The following SHISA6 variants were observed in gnomAD, a reference collection of about 807,000 sequenced individuals.
The protein encoded by SHISA6 is protein shisa-6.
SHISA6 carries 22 observed loss-of-function variants against 47.9 expected under a neutral mutation model. That is an observed-to-expected ratio of 0.46 (90% CI 0.33 to 0.66). SHISA6 has a LOEUF of 0.66. Ranked by LOEUF, SHISA6 falls within the 30% of genes least tolerant of loss-of-function variation. SHISA6 has a pLI of 0.02. For synonymous variants in SHISA6, 388 were observed against 337.8 expected, an observed-to-expected ratio of 1.15 and a Z score of -1.63; for missense variants, 680 against 764.6, an observed-to-expected ratio of 0.89 and a Z score of 1.30.
chr17:11,365,385 C>G (rs1033528863), intron 2 of SHISA6, among the ~76,000 whole-genome samples: 1 of 152,102 alleles, frequency 6.6e-6, no homozygotes, highest in African/African-American at 2.4e-5. Context: ...TCAAGCGATT[C>G]TCTTGCCTCA....
intron 3 of SHISA6, among the ~76,000 whole-genome samples, chr17:11,386,882 G>A (rs1220398418): frequency 6.6e-6 from 1 of 152,190 alleles, no homozygotes; most frequent in African/African-American, 2.4e-5. Context: ...GCCCAGGACT[G>A]TCCAGTTTTA....
intron 3 of SHISA6, among the ~76,000 whole-genome samples, chr17:11,501,652 G>T (rs1322551829): frequency 6.6e-6 from 1 of 152,102 alleles, no homozygotes; most frequent in Non-Finnish European, 1.5e-5. Flanking sequence ...TGAGAATTCA[G>T]ATGGCCACAA....
intron 2 of SHISA6, among the ~76,000 whole-genome samples, chr17:11,367,871 T>A (rs192584231): frequency 1.2e-4 from 19 of 152,256 alleles, no homozygotes; most frequent in African/African-American, 4.6e-4. Context: ...TCAAATTTTC[T>A]CCCTCTCCAA....
At chr17:11,515,349 G>GA (rs1376296816) in intron 3 of SHISA6, among the ~76,000 whole-genome samples, 1 of 144,154 alleles carries the variant, frequency 6.9e-6, no homozygotes, top group Admixed American at 6.9e-5. Flanking sequence ...AGGAAGGAAG[G>GA]AAGGAAGGAA....
intron 3 of SHISA6, among the ~76,000 whole-genome samples, chr17:11,382,020 G>C (rs943299143): frequency 2.6e-5 from 4 of 152,152 alleles, no homozygotes; most frequent in African/African-American, 9.7e-5. Flanking sequence ...TTTGAGGTTG[G>C]TGGTTGGGGG....
intron 2 of SHISA6, chr17:11,289,730 C>T (rs950226712): frequency 3.3e-5 from 5 of 151,916 alleles, no homozygotes; most frequent in Admixed American, 1.3e-4. Context: ...AGTTTATTGG[C>T]ATAGAGCTGC....
chr17:11,340,797 A>T (rs1355654859), intron 2 of SHISA6, among the ~76,000 whole-genome samples: 1 of 152,202 alleles, frequency 6.6e-6, no homozygotes, highest in Non-Finnish European at 1.5e-5. Flanking sequence ...GAAGCACTGA[A>T]CTAGAATAGT....
chr17:11,272,261 T>A (rs1437894940), intron 2 of SHISA6, among the ~76,000 whole-genome samples: 1 of 152,168 alleles, frequency 6.6e-6, no homozygotes, highest in Admixed American at 6.5e-5. Context: ...CCAGCCATGC[T>A]CTGCTCTTTG....
chr17:11,536,219 T>C (rs1053115816), intron 3 of SHISA6, among the ~76,000 whole-genome samples: 5 of 152,142 alleles, frequency 3.3e-5, no homozygotes, highest in African/African-American at 9.7e-5. Flanking sequence ...AAGGGAGCTA[T>C]GATAGTATGT....
At chr17:11,534,269 G>C (rs574715585) in intron 3 of SHISA6, among the ~76,000 whole-genome samples, 17 of 149,920 alleles carry the variant, frequency 1.1e-4, no homozygotes, top group African/African-American at 4.2e-4. Context: ...GCCTCCCAAA[G>C]TGCTAGAATT....
At chr17:11,475,798 C>T (rs557325042) in intron 3 of SHISA6, among the ~76,000 whole-genome samples, 4 of 152,034 alleles carry the variant, frequency 2.6e-5, no homozygotes, top group African/African-American at 7.2e-5. Context: ...GTAATACTGG[C>T]CTCACAGAAT....
intron 2 of SHISA6, among the ~76,000 whole-genome samples, chr17:11,324,814 T>C (rs1170017632): frequency 6.6e-6 from 1 of 152,150 alleles, no homozygotes; most frequent in Non-Finnish European, 1.5e-5. Context: ...TTGGTCTTCT[T>C]AGTGCACAAT....
intron 3 of SHISA6, among the ~76,000 whole-genome samples, chr17:11,473,977 C>CA (rs1279385832): frequency 2.0e-5 from 3 of 151,834 alleles, no homozygotes; most frequent in African/African-American, 7.2e-5. Context: ...TCTCATTGTT[C>CA]AACCCCCACT....
At chr17:11,466,273 G>T (rs1241446554) in intron 3 of SHISA6, among the ~76,000 whole-genome samples, 1 of 152,186 alleles carries the variant, frequency 6.6e-6, no homozygotes, top group Admixed American at 6.5e-5. Context: ...ACTTGAGGCT[G>T]CTTGTGCTTA....
chr17:11,250,968 C>T (rs1907779905), intron 1 of SHISA6, among the ~76,000 whole-genome samples: 3 of 152,110 alleles, frequency 2.0e-5, no homozygotes. Context: ...ACCTAACCTG[C>T]ATTATCTCGC....
At chr17:11,447,494 T>C (rs1915268314) in intron 3 of SHISA6, among the ~76,000 whole-genome samples, 1 of 152,188 alleles carries the variant, frequency 6.6e-6, no homozygotes, top group Non-Finnish European at 1.5e-5. Flanking sequence ...CCACCTTCCT[T>C]GAGTTAACAC....
In SHISA6 at chr17:11,241,974, G is replaced by A. The variant is rs1046972706; in HGVS notation, c.552G>A (p.Val184=). The part of the protein sequence containing the change: ...TNFTVYITCG[V]IAFVIVAGVF... The stretch of plus-strand genomic sequence containing the variant: ...TCACCGTCTACATCACCTGCGGGGT[G>A]ATCGCCTTCGTCATCGTGGCCGGCG... The change falls in exon 1 of 6, where the codon GTG becomes GTA. Residue 184 remains valine, a synonymous_variant. Coordinates refer to ENST00000441885, the MANE Select transcript of SHISA6 (RefSeq NM_207386.4). This position sits in a 1 kb window ranked among gnomAD's most constrained non-coding sequence, Gnocchi z 5.5. 6.4e-7 allele frequency: 1 copy of A among 1,551,000 alleles called. No homozygotes were observed. The highest frequency in any genetic ancestry group is 2.0e-5 in the Admixed American group (1 of 51,012).
chr17:11,316,823 C>G (rs910540859), intron 2 of SHISA6, among the ~76,000 whole-genome samples: 18 of 152,178 alleles, frequency 1.2e-4, no homozygotes, highest in African/African-American at 4.1e-4. Context: ...GCCACATCTC[C>G]TAGACTTTGA....
chr17:11,243,087 C>T (rs950807300), intron 1 of SHISA6, among the ~76,000 whole-genome samples: 1 of 151,772 alleles, frequency 6.6e-6, no homozygotes, highest in African/African-American at 2.4e-5. Context: ...TGGGCACTGC[C>T]CTAGTCACCA....
Sources: allele counts gnomAD v4.1 joint callset (sites outside exome capture counted in the v4.1 genomes callset), GRCh38; gene constraint gnomAD v4.1.1; non-coding constraint Gnocchi (gnomAD v3.1); transcripts MANE v1.5; gene names NCBI Gene and HGNC (gene_info 2026-07-23, HGNC 2026-07-21).